TMEM232: variants seen among roughly 807,000 people sequenced by gnomAD.
TMEM232 encodes the protein transmembrane protein 232.
In TMEM232, 80 loss-of-function variants were observed where a neutral mutation model predicts 78.8. The observed-to-expected ratio is 1.01, with a 90% confidence interval of 0.85 to 1.22. TMEM232 has a LOEUF of 1.22. TMEM232 is among the 50% of genes most tolerant of loss of function. TMEM232 has a pLI of 0.00. For missense variants in TMEM232, 881 were observed against 742.2 expected (o/e 1.19, Z -2.17); for synonymous variants, 297 against 254.3 (o/e 1.17, Z -1.60).
intron 8 of TMEM232, among the ~76,000 whole-genome samples, chr5:110,606,508 C>G (rs185607937): frequency 6.6e-6 from 1 of 151,918 alleles, no homozygotes; most frequent in Non-Finnish European, 1.5e-5. Flanking sequence ...AGTGCTCTGA[C>G]GAATCTGAGT....
chr5:110,586,250 TC>T (rs1384587001), intron 10 of TMEM232, among the ~76,000 whole-genome samples: 1 of 152,132 alleles, frequency 6.6e-6, no homozygotes, highest in Non-Finnish European at 1.5e-5. Flanking sequence ...CTCATTTTTT[TC>T]CTGCCCAGAT....
At chr5:110,715,775 G>C (rs1182206242) in intron 1 of TMEM232, among the ~76,000 whole-genome samples, 1 of 152,046 alleles carries the variant, frequency 6.6e-6, no homozygotes, top group East Asian at 1.9e-4. Context: ...CTCCCTTTTG[G>C]AATGCAGGGA....
intron 12 of TMEM232, among the ~76,000 whole-genome samples, chr5:110,504,489 T>C (rs1766640036): frequency 6.6e-6 from 1 of 152,074 alleles, no homozygotes; most frequent in Admixed American, 6.6e-5. Context: ...TGTATATACA[T>C]AGAGAGAGGA....
chr5:110,408,026 C>G (rs1755855685), intron 2 of TMEM232, among the ~76,000 whole-genome samples: 1 of 151,562 alleles, frequency 6.6e-6, no homozygotes, highest in Non-Finnish European at 1.5e-5. Flanking sequence ...TTTTTTTAAA[C>G]AAATGAAAAT....
chr5:110,518,382 A>G (rs530458419), intron 12 of TMEM232, among the ~76,000 whole-genome samples: 1 of 152,136 alleles, frequency 6.6e-6, no homozygotes, highest in East Asian at 1.9e-4. Flanking sequence ...TTATTCTTCC[A>G]TGTCTGTCCT....
At chr5:110,591,041 G>A (rs550444268) in intron 10 of TMEM232, among the ~76,000 whole-genome samples, 2 of 152,194 alleles carry the variant, frequency 1.3e-5, no homozygotes, top group South Asian at 4.2e-4. Context: ...AGATTTGGGT[G>A]GGAACACAGA....
At chr5:110,417,612 CTTTTTCTTTTTTTTTTTTT>C (rs1756277735), downstream of TMEM232, 1 of 118,700 alleles carries the variant, frequency 8.4e-6, no homozygotes, top group Non-Finnish European at 1.7e-5. Flanking sequence ...AAACTTTTTT[CTTTTTCTTTTTTTTTTTTT>C]TTTTTTTGTC....
At chr5:110,699,640 T>G (rs955607352) in intron 1 of TMEM232, among the ~76,000 whole-genome samples, 7 of 152,016 alleles carry the variant, frequency 4.6e-5, no homozygotes, top group African/African-American at 1.7e-4. Flanking sequence ...CACAATATCT[T>G]GGAAACCATT....
chr5:110,726,875 T>C (rs1040536371), upstream of TMEM232: 2 of 152,254 alleles, frequency 1.3e-5, no homozygotes, highest in East Asian at 1.9e-4. Flanking sequence ...GTTTCGAATA[T>C]TGTACATACT....
intron 5 of TMEM232, among the ~76,000 whole-genome samples, chr5:110,631,016 G>T (rs1458759418): frequency 6.6e-6 from 1 of 152,066 alleles, no homozygotes; most frequent in Middle Eastern, 3.2e-3. Flanking sequence ...AGTGTACCAT[G>T]TGAGAGTACA....
At chr5:110,638,975 G>A (rs1786292284) in intron 4 of TMEM232, among the ~76,000 whole-genome samples, 1 of 152,170 alleles carries the variant, frequency 6.6e-6, no homozygotes, top group African/African-American at 2.4e-5. Context: ...ATAGAGCTAA[G>A]AGCCTAGAGA....
intron 12 of TMEM232, among the ~76,000 whole-genome samples, chr5:110,493,583 A>T (rs1765333087): frequency 6.6e-6 from 1 of 152,062 alleles, no homozygotes; most frequent in African/African-American, 2.4e-5. Context: ...AATGTGAATG[A>T]ACAATTGTCA....
chr5:110,465,292 A>AGTT (rs1347566260), intron 12 of TMEM232, among the ~76,000 whole-genome samples: 3 of 152,194 alleles, frequency 2.0e-5, no homozygotes, highest in African/African-American at 7.2e-5. Flanking sequence ...GTCACTGGGA[A>AGTT]GTTTACCTGA....
chr5:110,466,093 G>A (rs1580794416), intron 12 of TMEM232, among the ~76,000 whole-genome samples: 1 of 152,116 alleles, frequency 6.6e-6, no homozygotes, highest in East Asian at 1.9e-4. Context: ...ATAGCTGTTT[G>A]GATAGAAAGG....
At chr5:110,495,936 CAAAG>C (rs1765592973) in intron 12 of TMEM232, among the ~76,000 whole-genome samples, 1 of 151,146 alleles carries the variant, frequency 6.6e-6, no homozygotes, top group Non-Finnish European at 1.5e-5. Context: ...TTCATACTGA[CAAAG>C]AAATAATAAA....
At chr5:110,422,786 C>T (rs548854488) in intron 13 of TMEM232, among the ~76,000 whole-genome samples, 1 of 152,156 alleles carries the variant, frequency 6.6e-6, no homozygotes, top group Admixed American at 6.5e-5. Context: ...AAAAAGCATA[C>T]TTTCTTTTTG....
At chr5:110,643,508 G>A (rs958759429) in intron 2 of TMEM232, among the ~76,000 whole-genome samples, 1 of 152,014 alleles carries the variant, frequency 6.6e-6, no homozygotes, top group African/African-American at 2.4e-5. Flanking sequence ...CAAGTGAAGT[G>A]ACAATAAGGA....
chr5:110,738,945 G>A (rs1228154321), upstream of TMEM232: 28 of 1,430,948 alleles, frequency 2.0e-5, no homozygotes, highest in Non-Finnish European at 2.5e-5. Flanking sequence ...AATGGTTGCC[G>A]GAAGAGGCTA....
chr5:110,527,418 AAAAT>A (rs1328786402), intron 12 of TMEM232, among the ~76,000 whole-genome samples: 15 of 151,980 alleles, frequency 9.9e-5, no homozygotes, highest in African/African-American at 3.4e-4. Context: ...AGTCAAGTGA[AAAAT>A]AAATAATAAA....
Sources: allele counts gnomAD v4.1 joint callset (sites outside exome capture counted in the v4.1 genomes callset), GRCh38; gene constraint gnomAD v4.1.1; transcripts MANE v1.5; gene names NCBI Gene and HGNC (gene_info 2026-07-23, HGNC 2026-07-21).